STAT4: variants seen among roughly 807,000 people sequenced by gnomAD.
STAT4 encodes the protein signal transducer and activator of transcription 4.
A neutral mutation model predicts 110.5 loss-of-function variants in STAT4; 42 were observed. The observed-to-expected ratio is 0.38, with a 90% CI of 0.30 to 0.49. The LOEUF (loss-of-function observed/expected upper bound fraction) is 0.49, where lower values mean the gene tolerates loss of function less well. Ranked by LOEUF, STAT4 falls within the 20% of genes least tolerant of loss-of-function variation. STAT4 has a pLI of 0.95. For synonymous variants in STAT4, 284 were observed against 302.2 expected (o/e 0.94, Z 0.63); for missense variants, 632 against 887.9 (o/e 0.71, Z 3.66).
At chr2:191,067,834 T>C (rs533258042) in intron 6 of STAT4, among the ~76,000 whole-genome samples, 74 of 152,310 alleles carry the variant, frequency 4.9e-4, no homozygotes, top group African/African-American at 1.7e-3. Flanking sequence ...ATACCAACCA[T>C]TCATGTTCAT....
chr2:191,069,791 T>C lies in STAT4; in HGVS notation c.466-20A>G. 1 of 1,571,796 alleles carries C rather than the reference T, an allele frequency of 6.4e-7. No homozygotes were observed. Among genetic ancestry groups the C allele is most frequent in the Non-Finnish European group, 8.7e-7 (1 of 1,150,502 alleles). On this transcript the variant is annotated intron_variant, in intron 5 of 23. Coordinates refer to ENST00000392320, the MANE Select transcript of STAT4 (RefSeq NM_003151.4). ...TGTCATCTTTTCACAAAAGAAAACA[T>C]ACTCACTCTGCTGTCACAATTAAGC... is the stretch of plus-strand genomic sequence containing the variant.
rs185204469 is a variant in STAT4, at chr2:191,104,708, A to T, written c.274-28383T>A. Among the ~76,000 whole-genome samples the T allele has an allele frequency of 2.0e-5, 3 of 152,342 alleles. No homozygotes were observed. The highest frequency in any genetic ancestry group is 6.5e-5 in the Admixed American group (1 of 15,300). On this transcript the variant is annotated intron_variant, in intron 3 of 23. Coordinates refer to ENST00000392320, the MANE Select transcript of STAT4 (RefSeq NM_003151.4). The surrounding 1 kb of genome is among the most constrained non-coding windows in gnomAD (Gnocchi z 4.3). ...TTTGAAAGGATATATATTGTCAAAG[A>T]ATAAAGAATGATCCTTTTTAAGTGA...
rs957897582 is a variant in STAT4 at position 191,147,109 on chromosome 2, T to G, written c.129-352A>C. ...ACTATATGACAGTTACCCAAAATATTAAACATAAAATTGCTATATGACCCA... is the reference window on the plus strand; with the variant it reads ...ACTATATGACAGTTACCCAAAATATGAAACATAAAATTGCTATATGACCCA... On this transcript the variant is annotated intron_variant, in intron 2 of 23. Coordinates refer to ENST00000392320, the MANE Select transcript of STAT4 (RefSeq NM_003151.4). This position sits in a 1 kb window ranked among gnomAD's most constrained non-coding sequence, Gnocchi z 4.1. 1.3e-5 allele frequency among the ~76,000 whole-genome samples: 2 copies of G among 152,118 alleles called. No homozygotes were observed. Among genetic ancestry groups the G allele is most frequent in the African/African-American group, 4.8e-5 (2 of 41,432 alleles).
At position 191,059,981 on chromosome 2, in the gene STAT4, T is replaced by G. The variant is rs562126432; in HGVS notation, c.1035-1212A>C. On this transcript the variant is annotated intron_variant, in intron 10 of 23. Coordinates refer to ENST00000392320, the MANE Select transcript of STAT4 (RefSeq NM_003151.4). This position sits in a 1 kb window ranked among gnomAD's most constrained non-coding sequence, Gnocchi z 4.7. Reference sequence around the variant, plus strand: ...TGGAGTCCAAGGTCATTCTTCCTTTTGAAACAGGAGGATGCAAAAGTATGG... The same window carrying G: ...TGGAGTCCAAGGTCATTCTTCCTTTGGAAACAGGAGGATGCAAAAGTATGG... Among the ~76,000 whole-genome samples, 11 of 152,254 alleles carry G rather than the reference T, an allele frequency of 7.2e-5. No individual in the cohort carries two copies. The highest frequency in any genetic ancestry group is 2.6e-4 in the African/African-American group (11 of 41,542).
Position 191,061,683 on chromosome 2 carries a change from T to G in STAT4, c.1034+46A>C, listed in dbSNP as rs1696854174. The G allele has an allele frequency of 1.9e-6, 3 of 1,564,576 alleles. No individual in the cohort carries two copies. The highest frequency in any genetic ancestry group is 1.4e-5 in the African/African-American group (1 of 74,000). On this transcript the variant is annotated intron_variant, in intron 10 of 23. Coordinates refer to ENST00000392320, the MANE Select transcript of STAT4 (RefSeq NM_003151.4). This position sits in a 1 kb window ranked among gnomAD's most constrained non-coding sequence, Gnocchi z 6.2. ...AAATTGGCCTTGATCATCCAGAGACTATAGCTCCACAAACACACGAAATAG... is the reference window on the plus strand; with the variant it reads ...AAATTGGCCTTGATCATCCAGAGACGATAGCTCCACAAACACACGAAATAG...
chr2:191,054,869 C>T (rs1177104193), intron 13 of STAT4, among the ~76,000 whole-genome samples: 3 of 152,162 alleles, frequency 2.0e-5, no homozygotes, highest in African/African-American at 7.2e-5. Flanking sequence ...TTTAGCTAAG[C>T]TGTAGGTGAT....
intron 3 of STAT4, among the ~76,000 whole-genome samples, chr2:191,130,219 CCTTT>C (rs1398075369): frequency 1.7e-5 from 2 of 120,856 alleles, no homozygotes; most frequent in South Asian, 3.0e-4. Context: ...AGTCTATCTC[CCTTT>C]TTTTTTTTTT....
In STAT4 at chr2:191,086,923, T is replaced by C. The variant is rs1199912888; in HGVS notation, c.274-10598A>G. ...TCAGAAAGTTCACTTGAACATCTGGTTTGAACTACAATCCAGAAGAATCTG... is the reference window on the plus strand; with the variant it reads ...TCAGAAAGTTCACTTGAACATCTGGCTTGAACTACAATCCAGAAGAATCTG... On this transcript the variant is annotated intron_variant, in intron 3 of 23. Coordinates refer to ENST00000392320, the MANE Select transcript of STAT4 (RefSeq NM_003151.4). The surrounding 1 kb of genome is among the most constrained non-coding windows in gnomAD (Gnocchi z 5.5). 6.6e-6 allele frequency among the ~76,000 whole-genome samples: 1 copy of C among 152,152 alleles called. No individual in the cohort carries two copies. Among genetic ancestry groups the C allele is most frequent in the East Asian group, 1.9e-4 (1 of 5,194 alleles).
Position 191,039,292 on chromosome 2 carries a change from G to T in STAT4, c.1341C>A (p.Ser447Arg), listed in dbSNP as rs530278225. 6.2e-7 allele frequency: 1 copy of T among 1,614,104 alleles called. No individual in the cohort carries two copies. Among genetic ancestry groups the T allele is most frequent in the African/African-American group, 1.3e-5 (1 of 75,052 alleles). The part of the protein sequence containing the change: ...LYGLTIDLET[S>R]SLPVVMISNV... ...TGGAAATCATCACCACAGGCAATGA[G>T]CTGGTCTGGTTTGGGGGGAAAAAAG... Residue 447 changes from serine to arginine, a missense_variant, in exon 16 of 24, where the codon AGC becomes AGA. This residue lies in a region of STAT4 where 488 missense variants were observed against 632.8 expected (regional missense o/e 0.77). Transcript: ENST00000392320. This position sits in a 1 kb window ranked among gnomAD's most constrained non-coding sequence, Gnocchi z 4.7.
rs1698497828 is a variant in STAT4 at position 191,113,970 on chromosome 2, C to CTGATGT, written c.273+32637_273+32642dup. ...CCCTAGAGTTTATGGCTGATCAAAT[C>CTGATGT]TGATGTTTAAAATACATTGTTTCTG... On this transcript the variant is annotated intron_variant, in intron 3 of 23. Coordinates refer to ENST00000392320, the MANE Select transcript of STAT4 (RefSeq NM_003151.4). This position sits in a 1 kb window ranked among gnomAD's most constrained non-coding sequence, Gnocchi z 4.8. Among the ~76,000 whole-genome samples the CTGATGT allele has an allele frequency of 6.6e-6, 1 of 152,160 alleles. No individual in the cohort carries two copies. Among genetic ancestry groups the CTGATGT allele is most frequent in the Non-Finnish European group, 1.5e-5 (1 of 68,032 alleles).
intron 3 of STAT4, among the ~76,000 whole-genome samples, chr2:191,129,130 T>A (rs1698961399): frequency 6.6e-6 from 1 of 152,102 alleles, no homozygotes; most frequent in Non-Finnish European, 1.5e-5. Context: ...TGCTGCATGA[T>A]ATTTACAAAA....
At chr2:191,064,315 A>G (rs1035729038) in intron 8 of STAT4, among the ~76,000 whole-genome samples, 6 of 152,220 alleles carry the variant, frequency 3.9e-5, no homozygotes, top group Non-Finnish European at 5.9e-5. Context: ...ATTTTCAAGT[A>G]TACAATAAAT....
At chr2:191,079,588 CT>C (rs1255276334) in intron 3 of STAT4, among the ~76,000 whole-genome samples, 1 of 151,790 alleles carries the variant, frequency 6.6e-6, no homozygotes, top group African/African-American at 2.4e-5. Context: ...TCTGTATATT[CT>C]TTGGAATTTT....
rs941466421 is a variant in STAT4 at position 191,105,777 on chromosome 2, T to A, written c.274-29452A>T. Among the ~76,000 whole-genome samples, 16 of 152,236 alleles carry A rather than the reference T, an allele frequency of 1.1e-4. 1 individual carries two copies. Among genetic ancestry groups the A allele is most frequent in the Admixed American group, 9.2e-4 (14 of 15,276 alleles). On this transcript the variant is annotated intron_variant, in intron 3 of 23. Transcript: ENST00000392320. The stretch of plus-strand genomic sequence containing the variant: ...TGCTGAATAAATGCATGGTACTGAA[T>A]TATCTGGCTTGGTCAGATGAACCTA...
rs1307020320 is a variant in STAT4 at position 191,107,744 on chromosome 2, C to T, written c.274-31419G>A. Among the ~76,000 whole-genome samples the T allele has an allele frequency of 6.6e-6, 1 of 152,138 alleles. No individual in the cohort carries two copies. Among genetic ancestry groups the T allele is most frequent in the Non-Finnish European group, 1.5e-5 (1 of 68,022 alleles). On this transcript the variant is annotated intron_variant, in intron 3 of 23. Transcript: ENST00000392320. This position sits in a 1 kb window ranked among gnomAD's most constrained non-coding sequence, Gnocchi z 4.2. ...TTCAGGACATAATTTATTTTTTCAA[C>T]CCAGATTACTACCATACCTTCCTGA...
rs1699454595 is a variant in STAT4 at position 191,146,183 on chromosome 2, AG to A, written c.273+429del. The stretch of plus-strand genomic sequence containing the variant: ...GAGTACCAAAGAACACTTTTAAAGG[AG>A]TGTGAGATCTGAACCAAATCTGTAA... On this transcript the variant is annotated intron_variant, in intron 3 of 23. Transcript: ENST00000392320. This position sits in a 1 kb window ranked among gnomAD's most constrained non-coding sequence, Gnocchi z 4.5. Among the ~76,000 whole-genome samples the A allele has an allele frequency of 6.6e-6, 1 of 152,148 alleles. No homozygotes were observed. Among genetic ancestry groups the A allele is most frequent in the African/African-American group, 2.4e-5 (1 of 41,438 alleles).
chr2:191,127,476 C>G (rs555393087), intron 3 of STAT4, among the ~76,000 whole-genome samples: 1 of 152,200 alleles, frequency 6.6e-6, no homozygotes, highest in Non-Finnish European at 1.5e-5. Flanking sequence ...GCCTCTACCA[C>G]GGTGCTTACC....
In STAT4 at chr2:191,030,742, G is replaced by T. The variant is rs1695867858; in HGVS notation, c.2220+230C>A. 1 of 435,538 alleles carries T rather than the reference G, an allele frequency of 2.3e-6. No individual in the cohort carries two copies. The highest frequency in any genetic ancestry group is 2.0e-5 in the African/African-American group (1 of 49,950). The allele number at this position is 435,538 out of a possible 1,614,324, so 27.0% of individuals were successfully genotyped here. ...ATATTTTGCCCTCTGGTGGTTTCTGGTGGAAACAACGTAAAGCAGTTTAAG... is the reference window on the plus strand; with the variant it reads ...ATATTTTGCCCTCTGGTGGTTTCTGTTGGAAACAACGTAAAGCAGTTTAAG... On this transcript the variant is annotated intron_variant, in intron 23 of 23. Transcript: ENST00000392320. The surrounding 1 kb of genome is among the most constrained non-coding windows in gnomAD (Gnocchi z 4.4).
Position 191,029,753 on chromosome 2 carries a change from G to T in STAT4, c.*87C>A. 8.0e-7 allele frequency: 1 copy of T among 1,242,972 alleles called. No individual in the cohort carries two copies. Among genetic ancestry groups the T allele is most frequent in the Non-Finnish European group, 1.2e-6 (1 of 867,116 alleles). 77.0% of individuals were successfully genotyped at this position (1,242,972 alleles called of 1,614,324 possible). On this transcript the variant is annotated 3_prime_UTR_variant, in exon 24 of 24. Coordinates refer to ENST00000392320, the MANE Select transcript of STAT4 (RefSeq NM_003151.4). The surrounding 1 kb of genome is among the most constrained non-coding windows in gnomAD (Gnocchi z 4.5). Reference sequence around the variant, plus strand: ...CCTAGAACCTGGTATTTACAAAGCTGAAGAAATAAAATGTGGTTATTGGGC... The same window carrying T: ...CCTAGAACCTGGTATTTACAAAGCTTAAGAAATAAAATGTGGTTATTGGGC...
Sources: allele counts gnomAD v4.1 joint callset (sites outside exome capture counted in the v4.1 genomes callset), GRCh38; gene constraint gnomAD v4.1.1; regional missense constraint gnomAD v4.1.1; non-coding constraint Gnocchi (gnomAD v3.1); transcripts MANE v1.5; gene names NCBI Gene and HGNC (gene_info 2026-07-23, HGNC 2026-07-21).